The following RBFOX3 variants were observed in gnomAD, a reference collection of about 807,000 sequenced individuals.
RBFOX3 encodes RNA binding fox-1 homolog 3, also known as RNA binding protein fox-1 homolog 3.
In RBFOX3, 17 loss-of-function variants were observed where a neutral mutation model predicts 48.7. That is an observed-to-expected ratio of 0.35 (90% CI 0.24 to 0.52). The LOEUF (loss-of-function observed/expected upper bound fraction) is 0.52. RBFOX3 is among the 20% of genes least tolerant of loss of function. The pLI is 0.94. For synonymous variants in RBFOX3, 212 were observed against 209.5 expected (o/e 1.01, Z -0.10); for missense variants, 382 against 497.5 (o/e 0.77, Z 2.21).
rs766030049 is a variant in RBFOX3 at position 79,205,117 on chromosome 17, C to A, written c.-34+30649G>T. On this transcript the variant is annotated intron_variant, in intron 4 of 14. Coordinates refer to ENST00000693108, the MANE Select transcript of RBFOX3 (RefSeq NM_001350451.2). The surrounding 1 kb of genome is among the most constrained non-coding windows in gnomAD (Gnocchi z 4.5). ...GAAGACCAGGTAGGGCTTAGGAATGCACTGCAATATTTATAATGATAGCAT... is the reference window on the plus strand; with the variant it reads ...GAAGACCAGGTAGGGCTTAGGAATGAACTGCAATATTTATAATGATAGCAT... Among the ~76,000 whole-genome samples, 2 of 152,142 alleles carry A rather than the reference C, an allele frequency of 1.3e-5. No homozygotes were observed. The highest frequency in any genetic ancestry group is 2.9e-5 in the Non-Finnish European group (2 of 68,016).
intron 3 of RBFOX3, among the ~76,000 whole-genome samples, chr17:79,283,799 A>C (rs2071183928): frequency 6.6e-6 from 1 of 152,156 alleles, no homozygotes; most frequent in Non-Finnish European, 1.5e-5. Flanking sequence ...GCTTTGTTGG[A>C]TCCATCGCCT....
chr17:79,409,807 C>T (rs577254007), intron 2 of RBFOX3, among the ~76,000 whole-genome samples: 29 of 152,252 alleles, frequency 1.9e-4, no homozygotes, highest in Non-Finnish European at 3.4e-4. Context: ...TGGTGAGAGG[C>T]GGCAGGGGGC....
intron 3 of RBFOX3, among the ~76,000 whole-genome samples, chr17:79,301,824 A>G (rs371192933): frequency 1.3e-5 from 2 of 152,214 alleles, no homozygotes; most frequent in South Asian, 4.1e-4. Context: ...AGCCCCGAAG[A>G]TCTTATGCTG....
rs1312033593 is a variant in RBFOX3 at position 79,477,459 on chromosome 17, G to A, written c.-175+4995C>T. On this transcript the variant is annotated intron_variant, in intron 2 of 14. Transcript: ENST00000693108. This position sits in a 1 kb window ranked among gnomAD's most constrained non-coding sequence, Gnocchi z 4.8. ...TAGTCCCAGCTACTTGGGAGGCTGA[G>A]GCAGGAGAATGGCGTGAACCCGGGA... 2.0e-5 allele frequency among the ~76,000 whole-genome samples: 3 copies of A among 151,920 alleles called. No homozygotes were observed. The highest frequency in any genetic ancestry group is 4.4e-5 in the Non-Finnish European group (3 of 67,990).
chr17:79,507,604 C>A (rs1448675809), intron 1 of RBFOX3, among the ~76,000 whole-genome samples: 1 of 152,154 alleles, frequency 6.6e-6, no homozygotes, highest in Non-Finnish European at 1.5e-5. Flanking sequence ...AAGCCCTCCC[C>A]TCTCCTCAGA....
At chr17:79,121,189 G>A (rs1018346471) in intron 4 of RBFOX3, among the ~76,000 whole-genome samples, 6 of 151,892 alleles carry the variant, frequency 4.0e-5, no homozygotes, top group African/African-American at 1.2e-4. Context: ...GATGAGCATC[G>A]TGCTCCCAGA....
At chr17:79,604,921 G>A (rs2145432164) in intron 1 of RBFOX3, among the ~76,000 whole-genome samples, 2 of 152,326 alleles carry the variant, frequency 1.3e-5, no homozygotes, top group African/African-American at 4.8e-5. Context: ...CATTTGCTTG[G>A]TGTCCAAGGA....
intron 1 of RBFOX3, among the ~76,000 whole-genome samples, chr17:79,521,637 ACT>A (rs1285679674): frequency 2.6e-5 from 4 of 152,092 alleles, no homozygotes; most frequent in East Asian, 3.8e-4. Flanking sequence ...ACTCATATAC[ACT>A]CACACACAGA....
intron 2 of RBFOX3, among the ~76,000 whole-genome samples, chr17:79,386,813 C>T (rs2060625713): frequency 6.6e-6 from 1 of 152,248 alleles, no homozygotes; most frequent in Non-Finnish European, 1.5e-5. Context: ...TCTCATGTCT[C>T]TACCCACCCC....
chr17:79,613,377 C>A (rs1447923049), upstream of RBFOX3, among the ~76,000 whole-genome samples: 2 of 152,230 alleles, frequency 1.3e-5, no homozygotes. Flanking sequence ...GTTTGCCCTT[C>A]GTGCTCAGCT....
At chr17:79,459,218 G>A (rs889358785) in intron 2 of RBFOX3, among the ~76,000 whole-genome samples, 3 of 152,190 alleles carry the variant, frequency 2.0e-5, no homozygotes, top group Admixed American at 1.3e-4. Context: ...CAGCAATGCC[G>A]CAGCGTCACC....
chr17:79,575,723 C>T (rs2092836160), intron 1 of RBFOX3, among the ~76,000 whole-genome samples: 1 of 152,240 alleles, frequency 6.6e-6, no homozygotes, highest in African/African-American at 2.4e-5. Context: ...GCACTTCCGA[C>T]TTCTGAGAAA....
intron 3 of RBFOX3, among the ~76,000 whole-genome samples, chr17:79,295,226 C>A (rs2074138426): frequency 6.6e-6 from 1 of 152,156 alleles, no homozygotes; most frequent in Non-Finnish European, 1.5e-5. Flanking sequence ...CTCGTGTGTC[C>A]TCACTAAATC....
At chr17:79,621,328 G>C in the RBFOX3 span, among the ~76,000 whole-genome samples, 1 of 152,232 alleles carries the variant, frequency 6.6e-6, no homozygotes, top group East Asian at 1.9e-4. Context: ...TCCCAAAGTT[G>C]AAACCCAGCA....
chr17:79,227,963 A>G (rs1423130074), intron 4 of RBFOX3, among the ~76,000 whole-genome samples: 3 of 152,128 alleles, frequency 2.0e-5, no homozygotes, highest in African/African-American at 7.2e-5. Context: ...ACCTCCCCCT[A>G]CGAATCCTCT....
intron 8 of RBFOX3, 97 bp from the exon 9 acceptor site, chr17:79,101,741 C>A: frequency 9.3e-7 from 1 of 1,078,948 alleles, no homozygotes; most frequent in Non-Finnish European, 1.4e-6. Flanking sequence ...TAGCCCCCGG[C>A]ACCCCCCGCC....
chr17:79,465,152 C>T lies in RBFOX3; in HGVS notation c.-175+17302G>A, dbSNP rs958887930. Among the ~76,000 whole-genome samples the T allele has an allele frequency of 5.3e-5, 8 of 152,156 alleles. No individual in the cohort carries two copies. The East Asian group carries it at 5.8e-4, about 11-fold the overall frequency. ...TCCTCTGGCCCTCAGACCCTCGAGCCGATGAAACGCACCACGACCTTGGCT... is the reference window on the plus strand; with the variant it reads ...TCCTCTGGCCCTCAGACCCTCGAGCTGATGAAACGCACCACGACCTTGGCT... On this transcript the variant is annotated intron_variant, in intron 2 of 14. Transcript: ENST00000693108.
At chr17:79,110,064 T>A (rs2030349371) in intron 5 of RBFOX3, among the ~76,000 whole-genome samples, 1 of 150,994 alleles carries the variant, frequency 6.6e-6, no homozygotes, top group Admixed American at 6.6e-5. Flanking sequence ...CTTCCCACAC[T>A]GACTGTAGCG....
intron 3 of RBFOX3, among the ~76,000 whole-genome samples, chr17:79,267,135 T>C (rs1567946511): frequency 6.6e-6 from 1 of 151,930 alleles, no homozygotes; most frequent in Admixed American, 6.6e-5. Context: ...GAGCAGTGAG[T>C]GGCAGAATTG....
Sources: allele counts gnomAD v4.1 joint callset (sites outside exome capture counted in the v4.1 genomes callset), GRCh38; gene constraint gnomAD v4.1.1; non-coding constraint Gnocchi (gnomAD v3.1); transcripts MANE v1.5; gene names NCBI Gene and HGNC (gene_info 2026-07-23, HGNC 2026-07-21).